Variants in ESRRG observed in about 807,000 individuals in gnomAD.
ESRRG encodes estrogen related receptor gamma, also known as estrogen-related receptor gamma.
In ESRRG, 13 loss-of-function variants were observed where a neutral mutation model predicts 44.0. That is an observed-to-expected ratio of 0.30 (90% CI 0.19 to 0.47). The LOEUF is 0.47. Ranked by LOEUF, ESRRG falls within the 20% of genes least tolerant of loss-of-function variation. The pLI is 1.00. For missense variants in ESRRG, 395 were observed against 580.6 expected (o/e 0.68, Z 3.29); for synonymous variants, 215 against 214.6 (o/e 1.00, Z -0.02).
In ESRRG at chr1:216,660,711, G is replaced by A. The variant is rs535397016; in HGVS notation, c.473-9622C>T. Among the ~76,000 whole-genome samples the A allele has an allele frequency of 5.9e-5, 9 of 152,288 alleles. No individual in the cohort carries two copies. The East Asian group carries it at 1.7e-3, about 29-fold the overall frequency. On this transcript the variant is annotated intron_variant, in intron 2 of 6. Transcript: ENST00000408911. ...AGCCTGAGAGTGATAGGTTCAGGGTGGATCTTGGCATTGTCTTTTGCTGTT... is the reference window on the plus strand; with the variant it reads ...AGCCTGAGAGTGATAGGTTCAGGGTAGATCTTGGCATTGTCTTTTGCTGTT...
chr1:217,020,664 G>T (rs920636767), intron 1 of ESRRG, among the ~76,000 whole-genome samples: 3 of 152,162 alleles, frequency 2.0e-5, no homozygotes, highest in Admixed American at 6.5e-5. Context: ...AGTGAAATGG[G>T]ACAGAGGAGC....
intron 1 of ESRRG, among the ~76,000 whole-genome samples, chr1:217,082,384 T>G (rs987535235): frequency 2.6e-5 from 4 of 152,216 alleles, no homozygotes; most frequent in African/African-American, 9.6e-5. Flanking sequence ...ATATCCATCT[T>G]GAGAAGCAGA....
intron 5 of ESRRG, among the ~76,000 whole-genome samples, chr1:216,556,481 G>A (rs1469370413): frequency 2.0e-5 from 3 of 152,068 alleles, no homozygotes; most frequent in Admixed American, 6.6e-5. Flanking sequence ...AAAAGTATTG[G>A]GAAATCTTTC....
intron 2 of ESRRG, among the ~76,000 whole-genome samples, chr1:216,868,777 A>T (rs1456494916): frequency 1.3e-5 from 2 of 152,192 alleles, no homozygotes; most frequent in Non-Finnish European, 2.9e-5. Context: ...ATATGCAATA[A>T]ATTTCATTAA....
intron 2 of ESRRG, among the ~76,000 whole-genome samples, chr1:216,872,261 A>T (rs987454291): frequency 6.6e-6 from 1 of 151,960 alleles, no homozygotes; most frequent in Admixed American, 6.6e-5. Context: ...TTTGATTATG[A>T]TGTGTCTGAA....
At chr1:217,136,049 G>T (rs960786210) in intron 1 of ESRRG, among the ~76,000 whole-genome samples, 14 of 152,216 alleles carry the variant, frequency 9.2e-5, no homozygotes, top group Middle Eastern at 6.9e-3. Context: ...TTGCGGAAGG[G>T]GGTAAGAATC....
intron 2 of ESRRG, among the ~76,000 whole-genome samples, chr1:216,769,837 G>A (rs996678750): frequency 6.6e-6 from 1 of 151,982 alleles, no homozygotes; most frequent in Non-Finnish European, 1.5e-5. Flanking sequence ...TCAGAAATAT[G>A]GAAATCACAC....
intron 1 of ESRRG, among the ~76,000 whole-genome samples, chr1:217,020,754 T>G (rs1419133192): frequency 6.6e-6 from 1 of 152,190 alleles, no homozygotes; most frequent in Non-Finnish European, 1.5e-5. Flanking sequence ...AATTACACAC[T>G]GCATGCTGGT....
At chr1:216,800,496 T>C (rs763906604) in intron 2 of ESRRG, among the ~76,000 whole-genome samples, 14 of 152,130 alleles carry the variant, frequency 9.2e-5, no homozygotes, top group Non-Finnish European at 1.5e-4. Context: ...AACAGGGATA[T>C]ATATAGGGGG....
rs1309882639 is a variant in ESRRG, at chr1:216,532,256, A to G, written c.863-12835T>C. Among the ~76,000 whole-genome samples the G allele has an allele frequency of 2.0e-4, 31 of 152,108 alleles. 1 individual carries two copies. The highest frequency in any genetic ancestry group is 1.5e-5 in the Non-Finnish European group (1 of 68,022). ...AAATATACCCAAGCAGCTGGTTAAG[A>G]TGCCATGGATTACAGTGTGGACTGT... On this transcript the variant is annotated intron_variant, in intron 5 of 6. Transcript: ENST00000408911.
At chr1:216,854,242 A>T (rs748909481) in intron 2 of ESRRG, among the ~76,000 whole-genome samples, 24 of 151,512 alleles carry the variant, frequency 1.6e-4, no homozygotes, top group Non-Finnish European at 2.8e-4. Context: ...CTGTAGTCCC[A>T]GCTACTCAGG....
At chr1:216,522,581 T>C (rs913155614) in intron 5 of ESRRG, among the ~76,000 whole-genome samples, 1 of 152,114 alleles carries the variant, frequency 6.6e-6, no homozygotes, top group African/African-American at 2.4e-5. Flanking sequence ...ACAGCCTTGT[T>C]ATAAGATAGT....
At chr1:216,968,767 A>C (rs2071009084) in intron 1 of ESRRG, among the ~76,000 whole-genome samples, 1 of 150,478 alleles carries the variant, frequency 6.6e-6, no homozygotes, top group Admixed American at 6.6e-5. Flanking sequence ...TAACTTGCTG[A>C]AATTTTGATT....
At chr1:216,764,207 C>T (rs1576294926) in intron 2 of ESRRG, among the ~76,000 whole-genome samples, 2 of 151,634 alleles carry the variant, frequency 1.3e-5, no homozygotes, top group Admixed American at 1.3e-4. Context: ...CCCCACTGCC[C>T]CCCTTTTTTA....
intron 3 of ESRRG, among the ~76,000 whole-genome samples, chr1:216,571,874 A>C (rs998033821): frequency 6.6e-6 from 1 of 152,216 alleles, no homozygotes; most frequent in East Asian, 1.9e-4. Flanking sequence ...CATAATTATT[A>C]GTAAAAATTG....
At chr1:217,040,341 C>A (rs1384478020) in intron 1 of ESRRG, among the ~76,000 whole-genome samples, 1 of 152,002 alleles carries the variant, frequency 6.6e-6, no homozygotes, top group African/African-American at 2.4e-5. Flanking sequence ...GCCTTGTCTC[C>A]CTGTCTACAG....
intron 1 of ESRRG, among the ~76,000 whole-genome samples, chr1:216,719,250 T>G (rs2152047662): frequency 6.6e-6 from 1 of 152,122 alleles, no homozygotes; most frequent in Admixed American, 6.5e-5. Flanking sequence ...AGAAGTTAGC[T>G]TCCTTCTTTG....
chr1:216,729,440 G>A, intron 2 of ESRRG, among the ~76,000 whole-genome samples: 1 of 152,202 alleles, frequency 6.6e-6, no homozygotes, highest in East Asian at 1.9e-4. Flanking sequence ...GAAAGGCATT[G>A]TAATTCATTT....
chr1:216,906,985 T>C (rs2059751758), intron 2 of ESRRG, among the ~76,000 whole-genome samples: 1 of 152,222 alleles, frequency 6.6e-6, no homozygotes, highest in Non-Finnish European at 1.5e-5. Context: ...TATTTGTGTA[T>C]GTGAGTGTAT....
Sources: gnomAD v4.1 joint callset for allele counts (sites outside exome capture counted in the v4.1 genomes callset) on GRCh38, gnomAD v4.1.1 for gene constraint, MANE v1.5 for transcripts, NCBI Gene and HGNC (gene_info 2026-07-23, HGNC 2026-07-21) for gene names.